Variants in ACOX1 observed in about 807,000 individuals in gnomAD.
The protein encoded by ACOX1 is acyl-CoA oxidase 1.
In ACOX1, 41 loss-of-function variants were observed where a neutral mutation model predicts 75.5. The observed-to-expected ratio is 0.54, with a 90% CI of 0.42 to 0.70. The LOEUF is 0.70. Ranked by LOEUF, ACOX1 falls within the 30% of genes least tolerant of loss-of-function variation. The probability of loss-of-function intolerance (pLI) is 0.00; values close to 1 mark genes in which losing one functional copy is unlikely to be tolerated. For missense variants in ACOX1, 630 were observed against 837.5 expected (o/e 0.75, Z 3.06); for synonymous variants, 303 against 298.8 (o/e 1.01, Z -0.15).
rs748135063 is a variant in ACOX1, at chr17:75,955,849, C to T, written c.637G>A (p.Gly213Arg). The T allele has an allele frequency of 3.1e-6, 5 of 1,614,084 alleles. No individual in the cohort carries two copies. The highest frequency in any genetic ancestry group is 1.1e-5 in the South Asian group (1 of 91,086). The change falls in exon 5 of 14, where the codon GGG becomes AGG. Residue 213 changes from glycine (G) to arginine (R), a missense_variant. Physicochemically the swap from Gly to Arg is moderately radical, Grantham distance 125. Coordinates refer to ENST00000293217, the MANE Select transcript of ACOX1 (RefSeq NM_004035.7). ...TTACCTGGCAAAGGCTTATGGGTCC[C>T]GATTTCACGAATAGGTACGATAAAG... The part of the protein sequence containing the change: ...HAFIVPIREI[G>R]THKPLPGITV...
At chr17:75,967,667 T>TACATATATATACGTATATATATAC (rs2065947592) in intron 2 of ACOX1, among the ~76,000 whole-genome samples, 2 of 98,560 alleles carry the variant, frequency 2.0e-5, no homozygotes. Flanking sequence ...CATACATATA[T>TACATATATATACGTATATATATAC]ATACATATAT....
chr17:75,946,756 T>C lies in ACOX1; in HGVS notation c.1975A>G (p.Lys659Glu). 1 of 1,614,026 alleles carries C rather than the reference T, an allele frequency of 6.2e-7. No homozygotes were observed. The highest frequency in any genetic ancestry group is 8.5e-7 in the Non-Finnish European group (1 of 1,179,914). The change falls in exon 14 of 14, where the codon AAG (lysine) becomes GAG (glutamate). Residue 659 changes from lysine to glutamate, a missense_variant. Coordinates refer to ENST00000293217, the MANE Select transcript of ACOX1 (RefSeq NM_004035.7). The part of the protein sequence containing the change: ...SYKHLKSLQS[K>E]L ...CTTGTCCTTGTGACACTTCAGAGCT[T>C]GGACTGCAGTGACTTCAGGTGCTTG...
At chr17:75,954,173 G>A (rs1412436672) in intron 6 of ACOX1, among the ~76,000 whole-genome samples, 4 of 148,946 alleles carry the variant, frequency 2.7e-5, no homozygotes, top group African/African-American at 7.5e-5. Context: ...CTGAGATTGC[G>A]CCACTGCACT....
chr17:75,946,893 G>A, intron 13 of ACOX1, 98 bp from the exon 14 acceptor site: 3 of 1,143,896 alleles, frequency 2.6e-6, no homozygotes, highest in Non-Finnish European at 3.8e-6. Context: ...TTTTGAGACT[G>A]AGTCCTGCTC....
chr17:75,979,116 G>T lies in ACOX1; in HGVS notation c.-43C>A. 1 of 1,605,096 alleles carries T rather than the reference G, an allele frequency of 6.2e-7. No homozygotes were observed. The highest frequency in any genetic ancestry group is 8.5e-7 in the Non-Finnish European group (1 of 1,179,576). ...AGCGAAGTAAGCACCGACCGAGGTG[G>T]CAGTGACAATCTAAATCCGCAGCTC... On this transcript the variant is annotated 5_prime_UTR_variant, in exon 1 of 14. Coordinates refer to ENST00000293217, the MANE Select transcript of ACOX1 (RefSeq NM_004035.7).
At chr17:75,962,714 A>G (rs73355799) in intron 2 of ACOX1, among the ~76,000 whole-genome samples, 4,671 of 152,314 alleles carry the variant, frequency 0.031, 76 homozygotes, top group Middle Eastern at 0.051. Flanking sequence ...TACAGAGGAG[A>G]AATTAAGGCT....
chr17:75,960,626 C>T lies in ACOX1; in HGVS notation c.270-251G>A, dbSNP rs902690893. 3.3e-5 allele frequency among the ~76,000 whole-genome samples: 5 copies of T among 152,120 alleles called. No individual in the cohort carries two copies. The highest frequency in any genetic ancestry group is 1.2e-4 in the African/African-American group (5 of 41,400). ...TACTGATTCCAAAGCCAATGCAGCA[C>T]AAAACCACACGTGCAAGGCAGAGGA... is the stretch of plus-strand genomic sequence containing the variant. On this transcript the variant is annotated intron_variant, in intron 2 of 13. Transcript: ENST00000293217. The surrounding 1 kb of genome is among the most constrained non-coding windows in gnomAD (Gnocchi z 4.4).
In ACOX1 at chr17:75,949,247, T is replaced by A. The variant is rs1463252993; in HGVS notation, c.1698A>T (p.Gly566=). Residue 566 remains glycine (G), a synonymous_variant, in exon 12 of 14, where the codon GGA becomes GGT. Coordinates refer to ENST00000293217, the MANE Select transcript of ACOX1 (RefSeq NM_004035.7). The part of the protein sequence containing the change: ...RSLCLLYSLY[G]ISQNAGDFLQ... ...GGAAATCCCCCGCGTTCTGACTGAT[T>A]CCATACAGAGAATACAGCAGACATA... 8 of 1,614,088 alleles carry A rather than the reference T, an allele frequency of 5.0e-6. No homozygotes were observed. Among genetic ancestry groups the A allele is most frequent in the Non-Finnish European group, 6.8e-6 (8 of 1,180,048 alleles).
At chr17:75,974,505 T>C (rs188618660) in intron 2 of ACOX1, among the ~76,000 whole-genome samples, 24 of 152,330 alleles carry the variant, frequency 1.6e-4, no homozygotes, top group African/African-American at 4.3e-4. Flanking sequence ...TGCTGTGTCA[T>C]AGATTTTATA....
chr17:75,976,784 G>A (rs2066054014), intron 2 of ACOX1, among the ~76,000 whole-genome samples: 1 of 152,040 alleles, frequency 6.6e-6, no homozygotes. Context: ...AAGGCAGAAC[G>A]TGCAACATGT....
intron 2 of ACOX1, among the ~76,000 whole-genome samples, chr17:75,966,187 G>A (rs989263651): frequency 1.7e-4 from 25 of 150,702 alleles, no homozygotes; most frequent in Non-Finnish European, 2.8e-4. Flanking sequence ...GGCCAGGTGC[G>A]GTGGCTCGTG....
rs2065873796 is a variant in ACOX1, at chr17:75,960,107, C to G, written c.430+108G>C. 1.4e-6 allele frequency: 2 copies of G among 1,410,302 alleles called. No homozygotes were observed. Among genetic ancestry groups the G allele is most frequent in the Non-Finnish European group, 2.0e-6 (2 of 1,014,200 alleles). The allele number at this position is 1,410,302 out of a possible 1,614,324, so 87.4% of individuals were successfully genotyped here. On this transcript the variant is annotated intron_variant, in intron 3 of 13. Transcript: ENST00000293217. This position sits in a 1 kb window ranked among gnomAD's most constrained non-coding sequence, Gnocchi z 4.4. ...ACTCTGCAGAAAGAGCTCATTTAAA[C>G]AGACCATAGAACATCGACACACCAT...
chr17:75,958,917 T>C (rs958880594), intron 3 of ACOX1, among the ~76,000 whole-genome samples: 1 of 152,074 alleles, frequency 6.6e-6, no homozygotes, highest in Non-Finnish European at 1.5e-5. Context: ...CAGTTGACCC[T>C]AGAGATTTCC....
rs2065881494 is a variant in ACOX1, at chr17:75,960,940, C to T, written c.270-565G>A. On this transcript the variant is annotated intron_variant, in intron 2 of 13. Transcript: ENST00000293217. This position sits in a 1 kb window ranked among gnomAD's most constrained non-coding sequence, Gnocchi z 4.4. ...TTGCAGTGAGCCGAGATCATGCCCA[C>T]TGCATTCCAGCCTGGGTGACAGAGT... 6.6e-6 allele frequency among the ~76,000 whole-genome samples: 1 copy of T among 151,936 alleles called. No individual in the cohort carries two copies. The highest frequency in any genetic ancestry group is 2.1e-4 in the South Asian group (1 of 4,822).
At chr17:75,975,967 A>C (rs569072669) in intron 2 of ACOX1, among the ~76,000 whole-genome samples, 4 of 152,264 alleles carry the variant, frequency 2.6e-5, no homozygotes, top group Admixed American at 2.6e-4. Context: ...GAAAGAAAAG[A>C]AAAGAAAGAA....
intron 2 of ACOX1, among the ~76,000 whole-genome samples, chr17:75,969,189 G>A (rs765073567): frequency 3.9e-5 from 6 of 151,928 alleles, no homozygotes; most frequent in South Asian, 2.1e-4. Context: ...TTTTTGAGAC[G>A]GAGTCTCACT....
chr17:75,949,580 T>A lies in ACOX1; in HGVS notation c.1499A>T (p.Lys500Ile). The change falls in exon 11 of 14, where the codon AAA (lysine) becomes ATA (isoleucine). Residue 500 changes from lysine to isoleucine, a missense_variant. Coordinates refer to ENST00000293217, the MANE Select transcript of ACOX1 (RefSeq NM_004035.7). ...RAARLVEIAAKNLQKEVIHRK... is the reference protein window; with the variant it reads ...RAARLVEIAAINLQKEVIHRK... ...GTGAATCACTTCTTTTTGAAGGTTT[T>A]TTGCAGCAATTTCTACTAATCTGTT... is the stretch of plus-strand genomic sequence containing the variant. 6.2e-7 allele frequency: 1 copy of A among 1,614,186 alleles called. No individual in the cohort carries two copies. Among genetic ancestry groups the A allele is most frequent in the African/African-American group, 1.3e-5 (1 of 75,048 alleles).
intron 3 of ACOX1, among the ~76,000 whole-genome samples, chr17:75,958,336 G>C (rs2065852791): frequency 7.4e-6 from 1 of 135,550 alleles, no homozygotes; most frequent in African/African-American, 2.9e-5. Context: ...CTGGGTGGCA[G>C]AGCAAGACTC....
At chr17:75,972,065 C>T (rs1415140748) in intron 2 of ACOX1, among the ~76,000 whole-genome samples, 3 of 151,646 alleles carry the variant, frequency 2.0e-5, no homozygotes, top group Admixed American at 2.0e-4. Context: ...AGGCCGGGTG[C>T]AGTGGCTCAT....
Sources: allele counts gnomAD v4.1 joint callset (sites outside exome capture counted in the v4.1 genomes callset), GRCh38; gene constraint gnomAD v4.1.1; non-coding constraint Gnocchi (gnomAD v3.1); transcripts MANE v1.5; gene names NCBI Gene and HGNC (gene_info 2026-07-23, HGNC 2026-07-21).